TCERG1: variants seen among roughly 807,000 people sequenced by gnomAD.
The protein encoded by TCERG1 is TATA box binding protein (TBP)-associated factor, RNA polymerase II, S, 150kD.
Under a neutral mutation model 144.7 loss-of-function variants are expected in TCERG1, and 37 were observed. That is an observed-to-expected ratio of 0.26 (90% CI 0.20 to 0.34). TCERG1 has a LOEUF of 0.34. Among genes scored for constraint, TCERG1 ranks in the 10% least tolerant of loss-of-function variants. The probability of loss-of-function intolerance (pLI) is 1.00; values close to 1 mark genes in which losing one functional copy is unlikely to be tolerated. For missense variants in TCERG1, 1,027 were observed against 1,380.7 expected (o/e 0.74, Z 4.06); for synonymous variants, 492 against 458.2 (o/e 1.07, Z -0.94).
chr5:146,501,004 CAA>C (rs56318938), intron 17 of TCERG1, among the ~76,000 whole-genome samples: 207 of 132,356 alleles, frequency 1.6e-3, no homozygotes, highest in Middle Eastern at 3.8e-3. Flanking sequence ...GGGATTCTTT[CAA>C]AAAAAAAAAA....
intron 16 of TCERG1, 132 bp from the exon 17 acceptor site, chr5:146,498,404 C>T: frequency 8.2e-6 from 7 of 850,116 alleles, no homozygotes; most frequent in Non-Finnish European, 1.2e-5. Context: ...ACTTACTGTT[C>T]ACTGTTAGGT....
chr5:146,471,402 A>G, intron 8 of TCERG1, 86 bp from the exon 9 acceptor site: 1 of 1,220,436 alleles, frequency 8.2e-7, no homozygotes, highest in Non-Finnish European at 1.2e-6. Context: ...TGTTGATTGC[A>G]CTTTGAGCTG....
chr5:146,494,141 GTGAGATCA>G lies in TCERG1; in HGVS notation c.2282+1108_2282+1115del, dbSNP rs986428467. ...CCTGAGTTTTTTCTGAGTCAAAAGA[GTGAGATCA>G]TGAGTCAAAATAGTTGAGTCTCTGT... On this transcript the variant is annotated intron_variant, in intron 16 of 22. Transcript: ENST00000679501. Among the ~76,000 whole-genome samples, 83 of 152,202 alleles carry G rather than the reference GTGAGATCA, an allele frequency of 5.5e-4. 1 individual carries two copies. The highest frequency in any genetic ancestry group is 1.9e-3 in the African/African-American group (81 of 41,580).
chr5:146,470,361 T>C (rs1208105415), intron 7 of TCERG1, among the ~76,000 whole-genome samples: 1 of 152,144 alleles, frequency 6.6e-6, no homozygotes, highest in Non-Finnish European at 1.5e-5. Context: ...TTTAGCAAAA[T>C]GAATGATTGC....
At position 146,493,000 on chromosome 5, in the gene TCERG1, T is replaced by G. The variant is rs774594666; in HGVS notation, c.2244T>G (p.Asp748Glu). 1.2e-6 allele frequency: 2 copies of G among 1,605,530 alleles called. No homozygotes were observed. Among genetic ancestry groups the G allele is most frequent in the Non-Finnish European group, 1.7e-6 (2 of 1,176,980 alleles). The change falls in exon 16 of 23, where the codon GAT becomes GAG. Residue 748 changes from aspartate (D) to glutamate (E), a missense_variant. Physicochemically the swap from Asp to Glu is conservative, Grantham distance 45. Coordinates refer to ENST00000679501, the MANE Select transcript of TCERG1 (RefSeq NM_001382548.1). ...ATAAAATAATGCAAGCCAAGGAAGA[T>G]TTCAAAAAAATGATGGAAGAAGCAA... ...KKNKIMQAKEDFKKMMEEAKF... is the reference protein window; with the variant it reads ...KKNKIMQAKEEFKKMMEEAKF...
At chr5:146,499,896 C>A (rs902268591) in intron 17 of TCERG1, 12 of 152,046 alleles carry the variant, frequency 7.9e-5, no homozygotes, top group African/African-American at 2.9e-4. Context: ...ATCACTGACA[C>A]GCAAAGTGTT....
chr5:146,496,026 G>A (rs377407194), intron 16 of TCERG1, among the ~76,000 whole-genome samples: 6 of 152,122 alleles, frequency 3.9e-5, no homozygotes, highest in East Asian at 1.9e-4. Flanking sequence ...GGTGGTGGGC[G>A]CCTGTAGTCC....
In TCERG1 at chr5:146,471,523, G is replaced by C; in HGVS notation, c.1548G>C (p.Lys516Asn). 6.2e-7 allele frequency: 1 copy of C among 1,613,776 alleles called. No individual in the cohort carries two copies. The highest frequency in any genetic ancestry group is 1.1e-5 in the South Asian group (1 of 91,020). ...PKEEEMTEEE[K>N]AAQKAKPVAT... The stretch of plus-strand genomic sequence containing the variant: ...AAGAGGAGATGACTGAAGAAGAAAA[G>C]GCTGCCCAGAAGGCAAAGCCAGTTG... Residue 516 changes from lysine (K) to asparagine (N), a missense_variant, in exon 9 of 23, where the codon AAG (lysine) becomes AAC (asparagine). Lys to Asn is a moderately conservative substitution (Grantham distance 94). This residue lies in a region of TCERG1 where 482 missense variants were observed against 632.6 expected (regional missense o/e 0.76). Coordinates refer to ENST00000679501, the MANE Select transcript of TCERG1 (RefSeq NM_001382548.1).
At chr5:146,473,763 T>C (rs1265255958) in intron 9 of TCERG1, among the ~76,000 whole-genome samples, 1 of 152,238 alleles carries the variant, frequency 6.6e-6, no homozygotes, top group Non-Finnish European at 1.5e-5. Context: ...CATGGTTTAC[T>C]GAGTTAAGCC....
At chr5:146,492,217 T>A (rs1373996567) in intron 15 of TCERG1, among the ~76,000 whole-genome samples, 2 of 152,202 alleles carry the variant, frequency 1.3e-5, no homozygotes, top group African/African-American at 4.8e-5. Flanking sequence ...CTTGAGTTGT[T>A]TGAGGAGATT....
chr5:146,474,494 G>A (rs772515476), intron 9 of TCERG1, among the ~76,000 whole-genome samples: 3 of 152,202 alleles, frequency 2.0e-5, no homozygotes, highest in Non-Finnish European at 4.4e-5. Flanking sequence ...GGATAAAGCA[G>A]CAGCAGGGCT....
In TCERG1 at chr5:146,459,002, AGGCC is replaced by A. The variant is rs1166106298; in HGVS notation, c.558_561del (p.Gln186HisfsTer175). Reference sequence around the variant, plus strand: ...GCAGCCCAGGCACAGGTTCAGGCTCAGGCCCAGGCGCAGGCTCAGGCCCAGGCGC... The same window carrying A: ...GCAGCCCAGGCACAGGTTCAGGCTCACAGGCGCAGGCTCAGGCCCAGGCGC... On this transcript the variant is annotated frameshift_variant, in exon 4 of 23. Transcript: ENST00000679501. LOFTEE classifies it high-confidence loss of function. 2 of 1,613,156 alleles carry A rather than the reference AGGCC, an allele frequency of 1.2e-6. No homozygotes were observed. Among genetic ancestry groups the A allele is most frequent in the African/African-American group, 2.7e-5 (2 of 74,868 alleles).
At chr5:146,492,836 G>T in intron 15 of TCERG1, 84 bp from the exon 16 acceptor site, 1 of 941,488 alleles carries the variant, frequency 1.1e-6, no homozygotes, top group Non-Finnish European at 1.7e-6. Context: ...GGTATAGTTT[G>T]GACAAAGACA....
At chr5:146,452,471 C>G (rs953899690) in intron 1 of TCERG1, among the ~76,000 whole-genome samples, 3 of 152,134 alleles carry the variant, frequency 2.0e-5, no homozygotes, top group African/African-American at 4.8e-5. Flanking sequence ...GCAACAAATA[C>G]TAATACTAAT....
intron 14 of TCERG1, among the ~76,000 whole-genome samples, chr5:146,483,267 G>A (rs1765523110): frequency 6.6e-6 from 1 of 152,080 alleles, no homozygotes. Flanking sequence ...TTTTTCTGAT[G>A]TACTGATTTT....
intron 1 of TCERG1, among the ~76,000 whole-genome samples, chr5:146,448,652 A>T (rs1226820744): frequency 6.6e-6 from 1 of 152,196 alleles, no homozygotes; most frequent in East Asian, 1.9e-4. Flanking sequence ...GAAGAGGAAA[A>T]TGCCTTTCAG....
chr5:146,468,911 C>A (rs1372457786), intron 6 of TCERG1, among the ~76,000 whole-genome samples: 2 of 151,330 alleles, frequency 1.3e-5, no homozygotes, highest in Non-Finnish European at 2.9e-5. Flanking sequence ...ATTCACATAT[C>A]CTTATTTTAA....
rs376697244 is a variant in TCERG1 at position 146,463,807 on chromosome 5, T to C, written c.1135+14T>C. The C allele has an allele frequency of 1.2e-5, 20 of 1,614,008 alleles. No individual in the cohort carries two copies. Among genetic ancestry groups the C allele is most frequent in the Non-Finnish European group, 1.2e-5 (14 of 1,179,986 alleles). On this transcript the variant is annotated intron_variant, in intron 5 of 22. Coordinates refer to ENST00000679501, the MANE Select transcript of TCERG1 (RefSeq NM_001382548.1). ...TTCCACTTCCAGGTAAACCAACAGA[T>C]TATAATGGTCTTTCCAGCTATGTTT...
At chr5:146,463,485 GATGA>G in intron 4 of TCERG1, 62 bp from the exon 5 acceptor site, 1 of 1,596,466 alleles carries the variant, frequency 6.3e-7, no homozygotes, top group Non-Finnish European at 8.5e-7. Flanking sequence ...ATGTGTAAAT[GATGA>G]ATGAATATAG....
Sources: allele counts gnomAD v4.1 joint callset (sites outside exome capture counted in the v4.1 genomes callset), GRCh38; gene constraint gnomAD v4.1.1; regional missense constraint gnomAD v4.1.1; transcripts MANE v1.5; gene names NCBI Gene and HGNC (gene_info 2026-07-23, HGNC 2026-07-21).